DAB1: variants seen among roughly 807,000 people sequenced by gnomAD.
DAB1 encodes disabled homolog 1.
Under a neutral mutation model 64.6 loss-of-function variants are expected in DAB1, and 15 were observed. The observed-to-expected ratio is 0.23, with a 90% CI of 0.16 to 0.36. DAB1 has a LOEUF of 0.36. DAB1 is among the 10% of genes least tolerant of loss of function. The pLI is 1.00. For missense variants in DAB1, 596 were observed against 706.7 expected, an observed-to-expected ratio of 0.84 and a Z score of 1.78; for synonymous variants, 235 against 251.9, an observed-to-expected ratio of 0.93 and a Z score of 0.64.
intron 3 of DAB1, among the ~76,000 whole-genome samples, chr1:58,366,004 C>A (rs1337001956): frequency 2.0e-5 from 3 of 152,036 alleles, no homozygotes; most frequent in Non-Finnish European, 4.4e-5. Flanking sequence ...AGAAACAGGC[C>A]CTGGCAAAAA....
chr1:57,766,410 C>T (rs552258397), intron 6 of DAB1, among the ~76,000 whole-genome samples: 1 of 152,176 alleles, frequency 6.6e-6, no homozygotes, highest in Non-Finnish European at 1.5e-5. Context: ...CTCTCATCTC[C>T]TAATTTACCA....
At chr1:57,275,583 G>A (rs186060416) in intron 2 of DAB1, among the ~76,000 whole-genome samples, 96 of 152,228 alleles carry the variant, frequency 6.3e-4, no homozygotes, top group African/African-American at 2.2e-3. Flanking sequence ...ACATTTCATC[G>A]CATTAAAACA....
intron 2 of DAB1, among the ~76,000 whole-genome samples, chr1:57,235,229 G>C (rs929067773): frequency 6.6e-6 from 1 of 152,102 alleles, no homozygotes; most frequent in African/African-American, 2.4e-5. Flanking sequence ...TGTGCTTCTA[G>C]GCAAGTGATT....
chr1:57,913,465 A>T (rs925469254), intron 5 of DAB1, among the ~76,000 whole-genome samples: 3 of 152,242 alleles, frequency 2.0e-5, no homozygotes, highest in African/African-American at 7.2e-5. Flanking sequence ...AAAGACTTAA[A>T]TGTTAGACCT....
chr1:58,328,088 C>T (rs1176478138), intron 4 of DAB1, among the ~76,000 whole-genome samples: 2 of 152,154 alleles, frequency 1.3e-5, no homozygotes, highest in East Asian at 1.9e-4. Flanking sequence ...CCCGAGCACC[C>T]GCTATTTTGG....
At chr1:58,193,331 C>G (rs1254647287) in intron 4 of DAB1, among the ~76,000 whole-genome samples, 7 of 152,156 alleles carry the variant, frequency 4.6e-5, no homozygotes, top group Non-Finnish European at 7.3e-5. Context: ...GCCTGTGGCC[C>G]TCACCTGAAG....
intron 4 of DAB1, among the ~76,000 whole-genome samples, chr1:58,189,480 AC>A (rs1220777447): frequency 6.6e-6 from 1 of 152,138 alleles, no homozygotes; most frequent in Non-Finnish European, 1.5e-5. Context: ...TCCCTAGACC[AC>A]CCTCATTTCT....
chr1:58,497,223 CAAACA>C (rs1017069563), intron 3 of DAB1, among the ~76,000 whole-genome samples: 6 of 151,806 alleles, frequency 4.0e-5, no homozygotes, highest in Non-Finnish European at 5.9e-5. Context: ...AGTTTTAAAA[CAAACA>C]AAACAAAAGG....
chr1:58,229,037 A>G (rs1207094436), intron 4 of DAB1: 3 of 323,934 alleles, frequency 9.3e-6, no homozygotes, highest in Admixed American at 3.7e-5. Flanking sequence ...TGTGATCATA[A>G]CTCACTGCAA....
chr1:57,838,132 T>C (rs1652893112), intron 1 of DAB1, among the ~76,000 whole-genome samples: 1 of 152,144 alleles, frequency 6.6e-6, no homozygotes, highest in South Asian at 2.1e-4. Flanking sequence ...ATTCCCTTTT[T>C]CTATCACTTG....
intron 10 of DAB1, 57 bp from the exon 11 acceptor site, chr1:57,023,696 C>T: frequency 8.6e-7 from 1 of 1,163,720 alleles, no homozygotes; most frequent in Non-Finnish European, 1.3e-6. Context: ...GTCATCAAGG[C>T]TGGGAGGTAG....
chr1:58,251,240 C>A (rs1018433165), intron 4 of DAB1, among the ~76,000 whole-genome samples: 1 of 152,156 alleles, frequency 6.6e-6, no homozygotes, highest in Non-Finnish European at 1.5e-5. Context: ...ATTCACTCAT[C>A]AATAAATATT....
chr1:57,784,078 G>A (rs965783159), intron 6 of DAB1, among the ~76,000 whole-genome samples: 2 of 152,192 alleles, frequency 1.3e-5, no homozygotes, highest in East Asian at 3.8e-4. Flanking sequence ...GTCAAAAACT[G>A]AGAGAAGTAC....
chr1:58,205,677 C>T (rs1239368870), intron 4 of DAB1, among the ~76,000 whole-genome samples: 1 of 152,218 alleles, frequency 6.6e-6, no homozygotes, highest in Non-Finnish European at 1.5e-5. Context: ...TGGGGCCAAA[C>T]TATATGATTT....
rs185899215 is a variant in DAB1 at position 57,956,487 on chromosome 1, A to G, written n.388-72325T>C. Among the ~76,000 whole-genome samples, 227 of 152,312 alleles carry G rather than the reference A, an allele frequency of 1.5e-3. 1 individual carries two copies. Among genetic ancestry groups the G allele is most frequent in the African/African-American group, 4.7e-3 (196 of 41,572 alleles). ...CACTCTTATTTCTTACTTTATCCAG[A>G]GGCTTTAAAGGTACAGAAGGCCACT... On this transcript the variant is annotated intron_variant and non_coding_transcript_variant, in intron 5 of 20. Coordinates refer to the DAB1 transcript ENST00000485760.
At chr1:57,446,871 A>G (rs1686161546) in intron 7 of DAB1, among the ~76,000 whole-genome samples, 1 of 152,188 alleles carries the variant, frequency 6.6e-6, no homozygotes, top group Non-Finnish European at 1.5e-5. Context: ...CTCACATCCT[A>G]TGTAAGCTTA....
At position 58,471,006 on chromosome 1, in the gene DAB1, G is replaced by A. The variant is rs138208024; in HGVS notation, n.257+35054C>T. 7.4e-3 allele frequency among the ~76,000 whole-genome samples: 1,125 copies of A among 152,180 alleles called. 20 individuals carry two copies. The highest frequency in any genetic ancestry group is 0.026 in the African/African-American group (1,060 of 41,502). Reference sequence around the variant, plus strand: ...AAGGGATTTAATTTTTTTAAGTCCTGGTTTTCTCAATTATAAAATGGAACC... The same window carrying A: ...AAGGGATTTAATTTTTTTAAGTCCTAGTTTTCTCAATTATAAAATGGAACC... On this transcript the variant is annotated intron_variant and non_coding_transcript_variant, in intron 3 of 20. Transcript: ENST00000485760.
At chr1:58,146,979 G>A (rs1208349380) in intron 5 of DAB1, among the ~76,000 whole-genome samples, 1 of 152,094 alleles carries the variant, frequency 6.6e-6, no homozygotes, top group Non-Finnish European at 1.5e-5. Flanking sequence ...TAGAGAGACG[G>A]GAACCCTTGT....
At chr1:57,056,327 C>T (rs1305170159) in intron 9 of DAB1, among the ~76,000 whole-genome samples, 2 of 135,058 alleles carry the variant, frequency 1.5e-5, no homozygotes, top group African/African-American at 5.9e-5. Flanking sequence ...AGCAAGTCCT[C>T]ATCTTTAAAA....
Sources: gnomAD v4.1 joint callset for allele counts (sites outside exome capture counted in the v4.1 genomes callset) on GRCh38, gnomAD v4.1.1 for gene constraint, MANE v1.5 for transcripts, NCBI Gene and HGNC (gene_info 2026-07-23, HGNC 2026-07-21) for gene names.